Variants in CDS2 observed in about 807,000 individuals in gnomAD.
CDS2 encodes CDP-diacylglycerol synthase 2, also known as phosphatidate cytidylyltransferase 2.
Under a neutral mutation model 59.0 loss-of-function variants are expected in CDS2, and 47 were observed. That is an observed-to-expected ratio of 0.80 (90% confidence interval 0.63 to 1.02). The LOEUF is 1.02. Among genes scored for constraint, CDS2 ranks in the 50% least tolerant of loss-of-function variants. The pLI, the probability that CDS2 is intolerant of heterozygous loss-of-function variation, is 0.00. For missense variants in CDS2, 356 were observed against 558.9 expected (o/e 0.64, Z 3.66); for synonymous variants, 207 against 206.4 (o/e 1.00, Z -0.02).
chr20:5,176,547 T>C (rs966069897), intron 3 of CDS2, 101 bp from the exon 4 acceptor site: 6 of 874,738 alleles, frequency 6.9e-6, no homozygotes, highest in African/African-American at 4.9e-5. Flanking sequence ...CCGATATTTT[T>C]CTTAAGTATA....
At chr20:5,179,857 A>C (rs1879603855) in intron 5 of CDS2, among the ~76,000 whole-genome samples, 1 of 152,242 alleles carries the variant, frequency 6.6e-6, no homozygotes, top group African/African-American at 2.4e-5. Flanking sequence ...AATAATGCTG[A>C]TGGTTTTTCA....
chr20:5,169,904 C>T (rs751476993), intron 1 of CDS2, among the ~76,000 whole-genome samples: 1 of 152,162 alleles, frequency 6.6e-6, no homozygotes, highest in Non-Finnish European at 1.5e-5. Flanking sequence ...CACTTGGCCC[C>T]AGCAAGGCCT....
chr20:5,145,236 A>ACCCCCCCCCCCCCCCCCCCCCC (rs796723724), intron 1 of CDS2, among the ~76,000 whole-genome samples: 1 of 51,968 alleles, frequency 1.9e-5, no homozygotes, highest in Non-Finnish European at 3.8e-5. Flanking sequence ...GAAAGGAAAG[A>ACCCCCCCCCCCCCCCCCCCCCC]CCCCCCCCCC....
chr20:5,129,012 C>T (rs986169554), intron 1 of CDS2, among the ~76,000 whole-genome samples: 4 of 152,124 alleles, frequency 2.6e-5, no homozygotes, highest in African/African-American at 9.7e-5. Context: ...AGATAAAGTG[C>T]GAGTTGAACC....
At chr20:5,167,277 C>T (rs2090919976) in intron 1 of CDS2, among the ~76,000 whole-genome samples, 1 of 152,264 alleles carries the variant, frequency 6.6e-6, no homozygotes, top group South Asian at 2.1e-4. Context: ...GTTAGAGATG[C>T]CGGAAGTGAA....
At chr20:5,188,968 A>C in intron 10 of CDS2, 99 bp from the exon 11 acceptor site, 1 of 1,486,192 alleles carries the variant, frequency 6.7e-7, no homozygotes, top group South Asian at 1.2e-5. Flanking sequence ...CCTCCCAGTG[A>C]GGCCACAATG....
chr20:5,146,326 A>C (rs1366979150), intron 1 of CDS2, among the ~76,000 whole-genome samples: 1 of 152,142 alleles, frequency 6.6e-6, no homozygotes, highest in Non-Finnish European at 1.5e-5. Context: ...GCTTGTGTTT[A>C]GTTTGAGGTG....
In CDS2 at chr20:5,194,878, A is replaced by G. The variant is rs900215824; in HGVS notation, c.*4644A>G. On this transcript the variant is annotated 3_prime_UTR_variant, in exon 13 of 13. Coordinates refer to ENST00000460006, the MANE Select transcript of CDS2 (RefSeq NM_003818.4). ...AAGGATTGCAATAGTATAGTGCTTAATATGTGCCAGGCATAGTGCTAAGGG... is the reference window on the plus strand; with the variant it reads ...AAGGATTGCAATAGTATAGTGCTTAGTATGTGCCAGGCATAGTGCTAAGGG... The G allele has an allele frequency of 4.6e-5, 7 of 152,174 alleles. No homozygotes were observed. Among genetic ancestry groups the G allele is most frequent in the Admixed American group, 2.0e-4 (3 of 15,278 alleles). The allele number at this position is 152,174 out of a possible 1,614,324, so 9.4% of individuals were successfully genotyped here.
Position 5,190,499 on chromosome 20 carries a change from G to T in CDS2, c.*265G>T, listed in dbSNP as rs1399923385. The T allele has an allele frequency of 9.5e-6, 3 of 317,326 alleles. No homozygotes were observed. In the East Asian group the frequency reaches 1.5e-4, roughly 16 times the overall value. 19.7% of individuals were successfully genotyped at this position (317,326 alleles called of 1,614,324 possible). A position where few individuals can be genotyped will look rare whatever the true frequency, so the allele number is the denominator to read the frequency against. On this transcript the variant is annotated 3_prime_UTR_variant, in exon 13 of 13. Transcript: ENST00000460006. ...CCATTTGGATTTTTTTAAAACAAAA[G>T]TATTAATAATCTGGAAGACAGTGTT...
intron 1 of CDS2, among the ~76,000 whole-genome samples, chr20:5,170,104 G>C (rs1463628781): frequency 6.6e-6 from 1 of 152,162 alleles, no homozygotes; most frequent in Non-Finnish European, 1.5e-5. Context: ...TTCCGAGACA[G>C]GGATTCCTTC....
rs756616818 is a variant in CDS2 at position 5,189,108 on chromosome 20, T to C, written c.1023T>C (p.Ala341=). The change falls in exon 11 of 13, where the codon GCT becomes GCC. Residue 341 remains alanine, a synonymous_variant. Coordinates refer to ENST00000460006, the MANE Select transcript of CDS2 (RefSeq NM_003818.4). ...RMYPFQIHSI[A]LSTFASLIGP... is the part of the protein sequence containing the mutation. The stretch of plus-strand genomic sequence containing the variant: ...ACCCCTTCCAGATTCACAGCATCGC[T>C]CTCTCCACCTTTGCCTCGCTCATTG... 1.9e-6 allele frequency: 3 copies of C among 1,614,186 alleles called. No individual in the cohort carries two copies. Among genetic ancestry groups the C allele is most frequent in the East Asian group, 2.2e-5 (1 of 44,884 alleles).
intron 1 of CDS2, among the ~76,000 whole-genome samples, chr20:5,130,983 C>G (rs1004530137): frequency 4.6e-5 from 7 of 151,138 alleles, no homozygotes; most frequent in South Asian, 2.1e-4. Flanking sequence ...CCCAGCTACT[C>G]GGAAGGCTGA....
intron 4 of CDS2, among the ~76,000 whole-genome samples, chr20:5,178,114 G>C (rs777567590): frequency 6.6e-6 from 1 of 152,208 alleles, no homozygotes; most frequent in Non-Finnish European, 1.5e-5. Flanking sequence ...GAGGCTGCAA[G>C]GGATGGCTTC....
At chr20:5,168,233 G>A (rs1422221627) in intron 1 of CDS2, among the ~76,000 whole-genome samples, 1 of 151,136 alleles carries the variant, frequency 6.6e-6, no homozygotes, top group Non-Finnish European at 1.5e-5. Flanking sequence ...TGGCCAATGT[G>A]GCAAAACCCC....
chr20:5,185,613 G>A, intron 8 of CDS2, 145 bp from the exon 9 acceptor site: 1 of 657,310 alleles, frequency 1.5e-6, no homozygotes, highest in Non-Finnish European at 2.7e-6. Flanking sequence ...AGGGAACAAG[G>A]AAACCATATT....
intron 6 of CDS2, 113 bp from the exon 7 acceptor site, chr20:5,182,948 G>A (rs2091042045): frequency 1.1e-5 from 9 of 790,572 alleles, no homozygotes; most frequent in Non-Finnish European, 1.9e-5. Context: ...AGATACAAAA[G>A]CAGATATTTT....
chr20:5,135,003 A>G (rs754556597), intron 1 of CDS2, among the ~76,000 whole-genome samples: 2 of 152,234 alleles, frequency 1.3e-5, no homozygotes, highest in African/African-American at 4.8e-5. Flanking sequence ...TCTCAACCTT[A>G]CAACTGCCAG....
chr20:5,179,816 A>G (rs183466688), intron 5 of CDS2, among the ~76,000 whole-genome samples: 275 of 152,356 alleles, frequency 1.8e-3, no homozygotes, highest in Admixed American at 3.9e-3. Context: ...TTATATTAGT[A>G]TACATTCAGG....
At chr20:5,176,817 G>A (rs1370847068) in intron 4 of CDS2, 72 bp downstream of exon 4, 17 of 1,035,474 alleles carry the variant, frequency 1.6e-5, no homozygotes, top group African/African-American at 1.1e-4. Context: ...TTACAGTGAC[G>A]GTGGGTATTT....
Sources: allele counts gnomAD v4.1 joint callset (sites outside exome capture counted in the v4.1 genomes callset), GRCh38; gene constraint gnomAD v4.1.1; transcripts MANE v1.5; gene names NCBI Gene and HGNC (gene_info 2026-07-23, HGNC 2026-07-21).